Variants in JAZF1 observed in about 807,000 individuals in gnomAD.
JAZF1 encodes the protein JAZF zinc finger 1.
Under a neutral mutation model 26.4 loss-of-function variants are expected in JAZF1, and 8 were observed. That is an observed-to-expected ratio of 0.30 (90% confidence interval 0.18 to 0.55). The LOEUF is 0.55. Among genes scored for constraint, JAZF1 ranks in the 20% least tolerant of loss-of-function variants. The pLI is 0.94. For synonymous variants in JAZF1, 126 were observed against 122.3 expected (o/e 1.03, Z -0.20); for missense variants, 199 against 322.0 (o/e 0.62, Z 2.92).
chr7:28,102,968 T>A (rs947620858), intron 1 of JAZF1, among the ~76,000 whole-genome samples: 13 of 152,150 alleles, frequency 8.5e-5, no homozygotes, highest in Admixed American at 2.6e-4. Flanking sequence ...GAGCCCTAAC[T>A]CAGCTCTTCC....
At chr7:28,079,583 T>C (rs989452746) in intron 1 of JAZF1, among the ~76,000 whole-genome samples, 3 of 152,132 alleles carry the variant, frequency 2.0e-5, no homozygotes, top group Admixed American at 2.0e-4. Flanking sequence ...AGTTTACCCA[T>C]AGGTTAGCAA....
intron 1 of JAZF1, among the ~76,000 whole-genome samples, chr7:28,129,516 T>C (rs1359003825): frequency 1.3e-5 from 2 of 152,092 alleles, no homozygotes; most frequent in Non-Finnish European, 2.9e-5. Context: ...CATGGTAACT[T>C]TTCCAGTTTT....
intron 1 of JAZF1, among the ~76,000 whole-genome samples, chr7:28,061,742 T>A (rs1783800319): frequency 6.6e-6 from 1 of 152,234 alleles, no homozygotes; most frequent in South Asian, 2.1e-4. Flanking sequence ...GAAAACCCAG[T>A]ATATTACAAA....
chr7:28,059,755 G>A (rs1256403321), intron 1 of JAZF1, among the ~76,000 whole-genome samples: 5 of 152,046 alleles, frequency 3.3e-5, no homozygotes, highest in African/African-American at 1.2e-4. Flanking sequence ...ACAATTACAG[G>A]CTAATTTTCT....
chr7:28,144,609 G>C (rs916151271), intron 1 of JAZF1, among the ~76,000 whole-genome samples: 2 of 152,200 alleles, frequency 1.3e-5, no homozygotes, highest in African/African-American at 4.8e-5. Flanking sequence ...GGAGAGGAAA[G>C]AGAAAAGGAA....
chr7:28,003,681 T>C (rs1782644580), intron 1 of JAZF1, among the ~76,000 whole-genome samples: 1 of 152,264 alleles, frequency 6.6e-6, no homozygotes, highest in Admixed American at 6.5e-5. Flanking sequence ...CCATTTCCTA[T>C]AACCTATCCC....
chr7:27,888,356 C>T (rs746616484), intron 3 of JAZF1, among the ~76,000 whole-genome samples: 1 of 152,098 alleles, frequency 6.6e-6, no homozygotes, highest in Non-Finnish European at 1.5e-5. Context: ...TTTTCTTTTG[C>T]GTAGGTGGGA....
intron 1 of JAZF1, among the ~76,000 whole-genome samples, chr7:28,058,662 G>C (rs186448200): frequency 8.5e-5 from 13 of 152,206 alleles, no homozygotes; most frequent in Admixed American, 5.2e-4. Context: ...TTTTAACATA[G>C]ATTCTATGTA....
chr7:27,851,818 T>C (rs917782123), intron 3 of JAZF1, among the ~76,000 whole-genome samples: 5 of 152,224 alleles, frequency 3.3e-5, no homozygotes, highest in African/African-American at 1.2e-4. Flanking sequence ...CATATTAGCT[T>C]TGACCTTCCT....
intron 1 of JAZF1, among the ~76,000 whole-genome samples, chr7:28,073,881 A>T (rs968451863): frequency 6.6e-6 from 1 of 152,164 alleles, no homozygotes; most frequent in African/African-American, 2.4e-5. Flanking sequence ...AAATAAAATA[A>T]TCGTAATTAG....
At chr7:28,110,448 AAAAGG>A (rs147739964) in intron 1 of JAZF1, among the ~76,000 whole-genome samples, 3,271 of 63,940 alleles carry the variant, frequency 0.051, 437 homozygotes, top group Non-Finnish European at 0.071. Context: ...GAGAGAGAGA[AAAAGG>A]AAAGGAAAGG....
intron 2 of JAZF1, among the ~76,000 whole-genome samples, chr7:27,909,403 CA>C (rs11323038): frequency 0.71 from 105,562 of 148,586 alleles, 37,643 homozygotes; most frequent in African/African-American, 0.77. Context: ...GGCATAATTT[CA>C]AAAAAAAAAA....
intron 2 of JAZF1, among the ~76,000 whole-genome samples, chr7:27,982,095 G>A (rs1785595390): frequency 1.3e-5 from 2 of 152,248 alleles, no homozygotes; most frequent in Admixed American, 1.3e-4. Context: ...GAGGTACTGG[G>A]TTCATCTTAC....
In JAZF1 at chr7:28,113,727, C is replaced by T. The variant is rs555527409; in HGVS notation, c.115+66736G>A. 8.9e-4 allele frequency among the ~76,000 whole-genome samples: 135 copies of T among 152,260 alleles called. 1 individual carries two copies. In the South Asian group the frequency reaches 0.018, roughly 20 times the overall value. On this transcript the variant is annotated intron_variant, in intron 1 of 4. Transcript: ENST00000283928. ...TCCACACCACTACGTAGTGACAGTC[C>T]TAGGTTCAGACTGGTTTTTCTAGCC...
chr7:28,166,581 T>G (rs959265997), intron 1 of JAZF1, among the ~76,000 whole-genome samples: 1 of 152,222 alleles, frequency 6.6e-6, no homozygotes, highest in African/African-American at 2.4e-5. Flanking sequence ...TGTTGCAACA[T>G]GTAATAATTA....
chr7:27,898,649 A>G (rs1272861167), intron 2 of JAZF1, among the ~76,000 whole-genome samples: 3 of 152,164 alleles, frequency 2.0e-5, no homozygotes. Context: ...ATAAACAACC[A>G]TAACAACATT....
intron 3 of JAZF1, chr7:27,842,588 A>G (rs1217851285): frequency 2.0e-5 from 3 of 152,178 alleles, no homozygotes; most frequent in Non-Finnish European, 4.4e-5. Context: ...AGCTCCCTAA[A>G]TAAAGAGAGC....
chr7:28,153,645 TG>T, intron 1 of JAZF1, among the ~76,000 whole-genome samples: 1 of 152,336 alleles, frequency 6.6e-6, no homozygotes, highest in South Asian at 2.1e-4. Context: ...TCCTCATATC[TG>T]GAACTATGTT....
intron 1 of JAZF1, among the ~76,000 whole-genome samples, chr7:28,163,037 G>C (rs1187314209): frequency 6.6e-6 from 1 of 152,184 alleles, no homozygotes; most frequent in Non-Finnish European, 1.5e-5. Flanking sequence ...ATTTAGTGAG[G>C]AGAAACAGGA....
Sources: gnomAD v4.1 joint callset for allele counts (sites outside exome capture counted in the v4.1 genomes callset) on GRCh38, gnomAD v4.1.1 for gene constraint, MANE v1.5 for transcripts, NCBI Gene and HGNC (gene_info 2026-07-23, HGNC 2026-07-21) for gene names.